VARS1: variants seen among roughly 807,000 people sequenced by gnomAD.
VARS1 encodes the protein valyl-tRNA synthetase 1, also known as valine--tRNA ligase.
A neutral mutation model predicts 161.0 loss-of-function variants in VARS1; 92 were observed. The ratio of observed to expected loss-of-function variants is 0.57; its 90% CI spans 0.48 to 0.68. VARS1 has a LOEUF of 0.68. VARS1 is among the 30% of genes least tolerant of loss of function. The pLI is 0.00. For synonymous variants in VARS1, 595 were observed against 682.5 expected (o/e 0.87, Z 2.00); for missense variants, 1,338 against 1,695.9 (o/e 0.79, Z 3.71).
At position 31,785,153 on chromosome 6, in the gene VARS1, G is replaced by A. The variant is rs1293543955; in HGVS notation, c.1347+93C>T. The stretch of plus-strand genomic sequence containing the variant: ...GTGTTTTACATGGGCCAGCTCCTGA[G>A]AGAGGGCCACAACACCTCTGCTTTC... On this transcript the variant is annotated intron_variant, in intron 10 of 29. Transcript: ENST00000375663. The surrounding 1 kb of genome is among the most constrained non-coding windows in gnomAD (Gnocchi z 6.1). 7.4e-6 allele frequency: 11 copies of A among 1,487,488 alleles called. No individual in the cohort carries two copies. The highest frequency in any genetic ancestry group is 1.4e-5 in the African/African-American group (1 of 72,360). The allele number at this position is 1,487,488 out of a possible 1,614,324, so 92.1% of individuals were successfully genotyped here.
At position 31,785,567 on chromosome 6, in the gene VARS1, ACTC is replaced by A. The variant is rs1813443409; in HGVS notation, c.1264_1265+1del. The A allele has an allele frequency of 1.9e-6, 3 of 1,602,558 alleles. No homozygotes were observed. Among genetic ancestry groups the A allele is most frequent in the Admixed American group, 1.7e-5 (1 of 58,132 alleles). On this transcript the variant is annotated splice_donor_variant and coding_sequence_variant, in exon 9 of 30. Transcript: ENST00000375663. LOFTEE classifies it high-confidence loss of function. The surrounding 1 kb of genome is among the most constrained non-coding windows in gnomAD (Gnocchi z 6.1). Reference sequence around the variant, plus strand: ...ATGCCCACAGGGATGCTGCATACTCACTCCTCCTTCCACTTCCAGACTTCCTGT... The same window carrying A: ...ATGCCCACAGGGATGCTGCATACTCACTCCTTCCACTTCCAGACTTCCTGT...
In VARS1 at chr6:31,778,977, T is replaced by C; in HGVS notation, c.3716A>G (p.Asp1239Gly). 6.2e-7 allele frequency: 1 copy of C among 1,613,038 alleles called. No homozygotes were observed. The highest frequency in any genetic ancestry group is 8.5e-7 in the Non-Finnish European group (1 of 1,180,020). Reference sequence around the variant, plus strand: ...ACCCAGGCCACACACCTTGGCTTCATCTGCCTCCTGGACTTCGAGCGGCAC... The same window carrying C: ...ACCCAGGCCACACACCTTGGCTTCACCTGCCTCCTGGACTTCGAGCGGCAC... Reference protein sequence around the residue: ...VKVPLEVQEADEAKLQQTEAE... With the variant: ...VKVPLEVQEAGEAKLQQTEAE... Residue 1239 changes from aspartate (D) to glycine (G), a missense_variant, in exon 29 of 30, where the codon GAT (aspartate) becomes GGT (glycine). Physicochemically the swap from Asp to Gly is moderately conservative, Grantham distance 94. Transcript: ENST00000375663. This position sits in a 1 kb window ranked among gnomAD's most constrained non-coding sequence, Gnocchi z 5.1.
chr6:31,784,809 G>T lies in VARS1; in HGVS notation c.1348-95C>A. On this transcript the variant is annotated intron_variant, in intron 10 of 29. Coordinates refer to ENST00000375663, the MANE Select transcript of VARS1 (RefSeq NM_006295.3). This position sits in a 1 kb window ranked among gnomAD's most constrained non-coding sequence, Gnocchi z 6.1. ...TCCAGTGAGGCCTTGCCCATACAGA[G>T]TCCCACTGGCCAGCACAAAGACCCC... is the stretch of plus-strand genomic sequence containing the variant. The T allele has an allele frequency of 6.4e-7, 1 of 1,569,328 alleles. No homozygotes were observed.
Position 31,792,792 on chromosome 6 carries a change from A to G in VARS1, c.626T>C (p.Leu209Pro), listed in dbSNP as rs1348239104. Residue 209 changes from leucine (L) to proline (P), a missense_variant, in exon 4 of 30, where the codon CTA becomes CCA. Coordinates refer to ENST00000375663, the MANE Select transcript of VARS1 (RefSeq NM_006295.3). ...EFRAVLGEVVLYSGARPLSHQ... is the reference protein window; with the variant it reads ...EFRAVLGEVVPYSGARPLSHQ... ...AGAGAGAGGCCTGGCTCCTGAGTATAGAACCACTTCTCCTAGCACGGCTCG... is the reference window on the plus strand; with the variant it reads ...AGAGAGAGGCCTGGCTCCTGAGTATGGAACCACTTCTCCTAGCACGGCTCG... 1.2e-6 allele frequency: 2 copies of G among 1,614,206 alleles called. No individual in the cohort carries two copies. The highest frequency in any genetic ancestry group is 1.7e-6 in the Non-Finnish European group (2 of 1,180,030).
In VARS1 at chr6:31,785,801, G is replaced by C; in HGVS notation, c.1101-68C>G. 6.5e-7 allele frequency: 1 copy of C among 1,527,968 alleles called. No homozygotes were observed. Among genetic ancestry groups the C allele is most frequent in the African/African-American group, 1.4e-5 (1 of 72,116 alleles). The allele number at this position is 1,527,968 out of a possible 1,614,324, so 94.7% of individuals were successfully genotyped here. A position where few individuals can be genotyped will look rare whatever the true frequency, so the allele number is the denominator to read the frequency against. On this transcript the variant is annotated intron_variant, in intron 8 of 29. Transcript: ENST00000375663. The surrounding 1 kb of genome is among the most constrained non-coding windows in gnomAD (Gnocchi z 6.1). ...GGGGCCTGGCACCAAAGAAAGCAGA[G>C]GCTTCAGGCAAGGAGTCAGTGGACT...
intron 8 of VARS1, among the ~76,000 whole-genome samples, chr6:31,788,486 C>T (rs1452975096): frequency 6.7e-6 from 1 of 148,422 alleles, no homozygotes; most frequent in Non-Finnish European, 1.5e-5. Flanking sequence ...CCGAGAGAGA[C>T]TCTGTCTCAA....
Position 31,781,278 on chromosome 6 carries a change from G to A in VARS1, c.2545-155C>T. 1 of 1,167,952 alleles carries A rather than the reference G, an allele frequency of 8.6e-7. No individual in the cohort carries two copies. Among genetic ancestry groups the A allele is most frequent in the Admixed American group, 2.2e-5 (1 of 45,970 alleles). The allele number at this position is 1,167,952 out of a possible 1,614,324, so 72.3% of individuals were successfully genotyped here. A position where few individuals can be genotyped will look rare whatever the true frequency, so the allele number is the denominator to read the frequency against. The stretch of plus-strand genomic sequence containing the variant: ...TTGAGCGCCTTTATGTGAATCAGAA[G>A]CACTCCTTCCTCTGGGAAGATGAAG... On this transcript the variant is annotated intron_variant, in intron 21 of 29. Transcript: ENST00000375663. The surrounding 1 kb of genome is among the most constrained non-coding windows in gnomAD (Gnocchi z 6.8).
rs553301638 is a variant in VARS1, at chr6:31,794,865, G to A, written c.353C>T (p.Ala118Val). 8 of 1,609,816 alleles carry A rather than the reference G, an allele frequency of 5.0e-6. No individual in the cohort carries two copies. In the African/African-American group the frequency reaches 1.1e-4, roughly 21 times the overall value. ...CTGGGCCGAGCTTCGGAGTCCCAGGGCCGGCAGCGTTGCTCCACAGGCAGC... is the reference window on the plus strand; with the variant it reads ...CTGGGCCGAGCTTCGGAGTCCCAGGACCGGCAGCGTTGCTCCACAGGCAGC... Reference protein sequence around the residue: ...IPAACGATLPALGLRSSAQDP... With the variant: ...IPAACGATLPVLGLRSSAQDP... The change falls in exon 2 of 30, where the codon GCC (alanine) becomes GTC (valine). Residue 118 changes from alanine to valine, a missense_variant. Around this residue, in one of 3 missense-constraint regions of VARS1, gnomAD observed 902 missense variants for 1,090.3 expected, o/e 0.83. Coordinates refer to ENST00000375663, the MANE Select transcript of VARS1 (RefSeq NM_006295.3).
At chr6:31,789,557 C>T (rs1209278969) in intron 8 of VARS1, among the ~76,000 whole-genome samples, 1 of 152,160 alleles carries the variant, frequency 6.6e-6, no homozygotes, top group Non-Finnish European at 1.5e-5. Flanking sequence ...TGGCAGCTTC[C>T]GTTTGTACTT....
chr6:31,779,342 C>T lies in VARS1; in HGVS notation c.3401-50G>A. On this transcript the variant is annotated intron_variant, in intron 28 of 29. Transcript: ENST00000375663. The surrounding 1 kb of genome is among the most constrained non-coding windows in gnomAD (Gnocchi z 9.1). The stretch of plus-strand genomic sequence containing the variant: ...GCCTAGCTCCATGGAGACAGGAAAC[C>T]AAGCAGTCACTGCCGGACACTGGGT... 6.2e-7 allele frequency: 1 copy of T among 1,601,214 alleles called. No homozygotes were observed. The highest frequency in any genetic ancestry group is 8.5e-7 in the Non-Finnish European group (1 of 1,178,852).
Position 31,781,248 on chromosome 6 carries a change from G to T in VARS1, c.2545-125C>A. ...CAGGTCCCACTGAGTGTCCCCAAGA[G>T]CTCGTTGAGCGCCTTTATGTGAATC... On this transcript the variant is annotated intron_variant, in intron 21 of 29. Coordinates refer to ENST00000375663, the MANE Select transcript of VARS1 (RefSeq NM_006295.3). This position sits in a 1 kb window ranked among gnomAD's most constrained non-coding sequence, Gnocchi z 6.8. The T allele has an allele frequency of 8.1e-7, 1 of 1,231,368 alleles. No homozygotes were observed. The highest frequency in any genetic ancestry group is 1.1e-6 in the Non-Finnish European group (1 of 872,274). 76.3% of individuals were successfully genotyped at this position (1,231,368 alleles called of 1,614,324 possible). A position where few individuals can be genotyped will look rare whatever the true frequency, so the allele number is the denominator to read the frequency against.
In VARS1 at chr6:31,778,867, G is replaced by T. The variant is rs1048291136; in HGVS notation, c.3726+100C>A. The T allele has an allele frequency of 6.1e-6, 9 of 1,469,022 alleles. No individual in the cohort carries two copies. Among genetic ancestry groups the T allele is most frequent in the Non-Finnish European group, 8.4e-6 (9 of 1,069,506 alleles). The allele number at this position is 1,469,022 out of a possible 1,614,324, so 91.0% of individuals were successfully genotyped here. A position where few individuals can be genotyped will look rare whatever the true frequency, so the allele number is the denominator to read the frequency against. ...AACAAAGAAATCTGTAACTGGTTAC[G>T]ATCAATTAGTTGTCAACACCACTGC... On this transcript the variant is annotated intron_variant, in intron 29 of 29. Coordinates refer to ENST00000375663, the MANE Select transcript of VARS1 (RefSeq NM_006295.3). This position sits in a 1 kb window ranked among gnomAD's most constrained non-coding sequence, Gnocchi z 5.1.
At chr6:31,788,628 AACCCTG>A (rs1392893483) in intron 8 of VARS1, among the ~76,000 whole-genome samples, 1 of 150,184 alleles carries the variant, frequency 6.7e-6, no homozygotes, top group Non-Finnish European at 1.5e-5. Flanking sequence ...GACAGGGTGA[AACCCTG>A]TCTCTACTAA....
rs1391441488 is a variant in VARS1 at position 31,791,519 on chromosome 6, CAGA to C, written c.1100+88_1100+90del. ...CTGGGGGCAGAAGTGAGCACCAACC[CAGA>C]AGGAGAGAGGCTCGGGGGGCTGTCA... On this transcript the variant is annotated intron_variant, in intron 8 of 29. Coordinates refer to ENST00000375663, the MANE Select transcript of VARS1 (RefSeq NM_006295.3). The surrounding 1 kb of genome is among the most constrained non-coding windows in gnomAD (Gnocchi z 5.0). 6 of 1,505,180 alleles carry C rather than the reference CAGA, an allele frequency of 4.0e-6. No individual in the cohort carries two copies. In the East Asian group the frequency reaches 1.4e-4, roughly 35 times the overall value. 93.2% of individuals were successfully genotyped at this position (1,505,180 alleles called of 1,614,324 possible).
rs1202010158 is a variant in VARS1 at position 31,795,271 on chromosome 6, G to C, written c.-33-21C>G. ...AAAACCTAAGGAGAAAGAGAGACAG[G>C]GGAAGACTGCGGGATCGAGGTGGGT... On this transcript the variant is annotated intron_variant, in intron 1 of 29. Transcript: ENST00000375663. This position sits in a 1 kb window ranked among gnomAD's most constrained non-coding sequence, Gnocchi z 6.9. The C allele has an allele frequency of 7.3e-7, 1 of 1,365,760 alleles. No homozygotes were observed. 84.6% of individuals were successfully genotyped at this position (1,365,760 alleles called of 1,614,324 possible).
rs1453026753 is a variant in VARS1, at chr6:31,791,970, A to C, written c.873T>G (p.Asp291Glu). 4.4e-6 allele frequency: 7 copies of C among 1,583,234 alleles called. No individual in the cohort carries two copies. The South Asian group carries it at 8.1e-5, about 18-fold the overall frequency. ...DLPTPPGEKK[D>E]VSGPMPDSYS... is the part of the protein sequence containing the mutation. ...AGGAGTCGGGCATGGGGCCACTGAC[A>C]TCTGGGGGAGAGGAAGGGAGGGCTC... The change falls in exon 7 of 30, where the codon GAT becomes GAG. Residue 291 changes from aspartate to glutamate, a missense_variant and splice_region_variant. By Grantham distance (45) the Asp-to-Glu change is conservative. Around this residue, in one of 3 missense-constraint regions of VARS1, gnomAD observed 902 missense variants for 1,090.3 expected, o/e 0.83. Transcript: ENST00000375663. This position sits in a 1 kb window ranked among gnomAD's most constrained non-coding sequence, Gnocchi z 5.0.
In VARS1 at chr6:31,781,417, C is replaced by T; in HGVS notation, c.2544+64G>A. The T allele has an allele frequency of 6.3e-7, 1 of 1,588,830 alleles. No individual in the cohort carries two copies. Among genetic ancestry groups the T allele is most frequent in the Non-Finnish European group, 8.5e-7 (1 of 1,170,532 alleles). On this transcript the variant is annotated intron_variant, in intron 21 of 29. Coordinates refer to ENST00000375663, the MANE Select transcript of VARS1 (RefSeq NM_006295.3). This position sits in a 1 kb window ranked among gnomAD's most constrained non-coding sequence, Gnocchi z 6.8. ...ATGCCCCAGCCACGCGGGGTCTGCG[C>T]TGCAGCACAGGACGGTAGGAGAGGA...
Position 31,779,887 on chromosome 6 carries a change from G to C in VARS1, c.3082-73C>G. The C allele has an allele frequency of 6.2e-7, 1 of 1,603,306 alleles. No homozygotes were observed. The highest frequency in any genetic ancestry group is 1.3e-5 in the African/African-American group (1 of 74,784). On this transcript the variant is annotated intron_variant, in intron 26 of 29. Transcript: ENST00000375663. The surrounding 1 kb of genome is among the most constrained non-coding windows in gnomAD (Gnocchi z 9.1). ...GCCCTCGCTGTGCCTGTGAGGACTG[G>C]GAAGGGGATGGGTTGGCTTAGGTCT...
In VARS1 at chr6:31,783,142, G is replaced by C. The variant is rs56192709; in HGVS notation, c.1716C>G (p.Ser572Arg). 7.9e-5 allele frequency: 127 copies of C among 1,612,724 alleles called. No individual in the cohort carries two copies. The highest frequency in any genetic ancestry group is 2.3e-4 in the Admixed American group (14 of 59,972). ...KNVIHPFLSR[S>R]LPIVFDEFVD... ...CAAATTCATCGAAGACAATGGGAAG[G>C]CTCCGAGACAGGAATGGGTGGATCA... The change falls in exon 14 of 30, where the codon AGC becomes AGG. Residue 572 changes from serine (S) to arginine (R), a missense_variant. Coordinates refer to ENST00000375663, the MANE Select transcript of VARS1 (RefSeq NM_006295.3).
Sources: gnomAD v4.1 joint callset for allele counts (sites outside exome capture counted in the v4.1 genomes callset) on GRCh38, gnomAD v4.1.1 for gene constraint, gnomAD v4.1.1 regional missense constraint, Gnocchi (gnomAD v3.1) non-coding constraint, MANE v1.5 for transcripts, NCBI Gene and HGNC (gene_info 2026-07-23, HGNC 2026-07-21) for gene names.